The following TSHR variants were observed in gnomAD, a reference collection of about 807,000 sequenced individuals.
TSHR encodes the protein thyrotropin receptor.
Under a neutral mutation model 64.1 loss-of-function variants are expected in TSHR, and 51 were observed. The ratio of observed to expected loss-of-function variants is 0.80; its 90% CI spans 0.64 to 1.01. TSHR has a LOEUF of 1.01. Among genes scored for constraint, TSHR ranks in the 50% least tolerant of loss-of-function variants. TSHR has a pLI of 0.00. For missense variants in TSHR, 877 were observed against 942.8 expected, an observed-to-expected ratio of 0.93 and a Z score of 0.91; for synonymous variants, 361 against 361.9, an observed-to-expected ratio of 1.00 and a Z score of 0.03.
intron 3 of TSHR, among the ~76,000 whole-genome samples, chr14:81,074,929 T>C (rs1410746036): frequency 3.9e-5 from 6 of 152,360 alleles, no homozygotes; most frequent in African/African-American, 1.4e-4. Context: ...TTCTCTGAGA[T>C]GGCTTCCCAA....
chr14:81,068,298 CCTT>C lies in TSHR; in HGVS notation c.290_292del (p.Phe97del). The C allele has an allele frequency of 1.9e-6, 3 of 1,613,204 alleles. No individual in the cohort carries two copies. The highest frequency in any genetic ancestry group is 1.7e-5 in the Admixed American group (1 of 60,000). On this transcript the variant is annotated inframe_deletion, in exon 3 of 10. Transcript: ENST00000298171. ...ACTCTGCAGCAGCTGGAATCACACT[CCTT>C]CTACAATTTGAGTAAAGTGACTCAC... is the stretch of plus-strand genomic sequence containing the variant.
At chr14:81,102,431 C>CTTGACATTTTTG (rs2140014600) in intron 7 of TSHR, among the ~76,000 whole-genome samples, 1 of 152,258 alleles carries the variant, frequency 6.6e-6, no homozygotes, top group East Asian at 1.9e-4. Context: ...ACAATACTTT[C>CTTGACATTTTTG]TTGACATTTT....
chr14:80,978,546 A>G (rs2139716242), intron 1 of TSHR, among the ~76,000 whole-genome samples: 1 of 152,356 alleles, frequency 6.6e-6, no homozygotes, highest in East Asian at 1.9e-4. Flanking sequence ...ACTGCCTGTT[A>G]GAGGGACCCA....
At chr14:81,068,553 T>G (rs1352365901) in intron 3 of TSHR, 1 of 518,426 alleles carries the variant, frequency 1.9e-6, no homozygotes. Context: ...AGTTCTGTTC[T>G]TGAACCACTA....
chr14:81,074,394 G>A (rs1188138677), intron 3 of TSHR, among the ~76,000 whole-genome samples: 1 of 152,202 alleles, frequency 6.6e-6, no homozygotes, highest in Middle Eastern at 3.4e-3. Context: ...ATTAAGCAGC[G>A]ACTATAATCA....
intron 1 of TSHR, chr14:81,001,369 G>T: frequency 2.8e-6 from 1 of 354,542 alleles, no homozygotes; most frequent in Non-Finnish European, 5.6e-6. Flanking sequence ...ATCTTGATGT[G>T]GCAGGGAGAG....
chr14:81,076,446 C>A (rs1293632289), intron 3 of TSHR, among the ~76,000 whole-genome samples: 1 of 152,064 alleles, frequency 6.6e-6, no homozygotes, highest in African/African-American at 2.4e-5. Context: ...TGGTATATAC[C>A]TATTGGTCTA....
In TSHR at chr14:81,115,891, A is replaced by C. The variant is rs925566506; in HGVS notation, c.692+7439A>C. On this transcript the variant is annotated intron_variant, in intron 8 of 9. Transcript: ENST00000298171. ...GGCCAATATTCAACATTCTTCAAGA[A>C]AAGAATTTTCAACCCAGAATTTCAT... 4.3e-4 allele frequency among the ~76,000 whole-genome samples: 64 copies of C among 150,136 alleles called. 1 individual carries two copies. The South Asian group carries it at 4.6e-3, about 11-fold the overall frequency.
At chr14:80,983,105 C>A in intron 1 of TSHR, 1 of 675,898 alleles carries the variant, frequency 1.5e-6, no homozygotes, top group South Asian at 2.2e-5. Flanking sequence ...AAAGCTTGCT[C>A]AGTTTTCCTT....
In TSHR at chr14:80,961,708, G is replaced by T. The variant is rs548833286; in HGVS notation, c.170+5858G>T. ...TAGCTGGCTTCGTAAATTAATATTT[G>T]GTTTGTTAAAGAAATAAATGTAAAA... On this transcript the variant is annotated intron_variant, in intron 1 of 9. Coordinates refer to ENST00000298171, the MANE Select transcript of TSHR (RefSeq NM_000369.5). Among the ~76,000 whole-genome samples, 233 of 152,072 alleles carry T rather than the reference G, an allele frequency of 1.5e-3. 1 individual carries two copies. Among genetic ancestry groups the T allele is most frequent in the African/African-American group, 5.5e-3 (228 of 41,466 alleles).
intron 8 of TSHR, among the ~76,000 whole-genome samples, chr14:81,120,202 A>G (rs1381992473): frequency 6.6e-6 from 1 of 152,128 alleles, no homozygotes. Flanking sequence ...AAAAAAATAA[A>G]AAAGAATCAC....
At chr14:81,028,547 A>G (rs960205315) in intron 1 of TSHR, among the ~76,000 whole-genome samples, 1 of 152,094 alleles carries the variant, frequency 6.6e-6, no homozygotes. Context: ...TGGAAAAAAA[A>G]CTTGGGACAG....
intron 1 of TSHR, among the ~76,000 whole-genome samples, chr14:80,970,534 C>T (rs999396237): frequency 6.6e-5 from 10 of 152,206 alleles, no homozygotes; most frequent in Admixed American, 2.6e-4. Flanking sequence ...CTTCTTGGGA[C>T]CTGCTGGCGA....
intron 1 of TSHR, among the ~76,000 whole-genome samples, chr14:81,024,908 T>TGTGAGAA (rs1290396968): frequency 1.1e-4 from 17 of 152,274 alleles, no homozygotes; most frequent in African/African-American, 3.1e-4. Context: ...ATGAAAAATA[T>TGTGAGAA]GTGAGAACAG....
rs571893270 is a variant in TSHR, at chr14:81,143,641, G to T, written c.1583G>T (p.Arg528Leu). ...ERWYAITFAM[R>L]LDRKIRLRHA... ...TGGTATGCCATCACCTTCGCCATGC[G>T]CCTGGACCGGAAGATCCGCCTCAGG... Residue 528 changes from arginine to leucine, a missense_variant, in exon 10 of 10, where the codon CGC becomes CTC. Transcript: ENST00000298171. The T allele has an allele frequency of 6.2e-7, 1 of 1,613,832 alleles. No homozygotes were observed. The highest frequency in any genetic ancestry group is 1.3e-5 in the African/African-American group (1 of 74,884).
chr14:81,128,199 A>G (rs1891094524), intron 8 of TSHR, among the ~76,000 whole-genome samples: 1 of 152,218 alleles, frequency 6.6e-6, no homozygotes, highest in Admixed American at 6.5e-5. Flanking sequence ...TCTTGTTAAT[A>G]ATAAGTCATT....
chr14:81,006,472 T>A (rs1419305989), intron 1 of TSHR, among the ~76,000 whole-genome samples: 3 of 152,116 alleles, frequency 2.0e-5, no homozygotes, highest in Admixed American at 2.0e-4. Flanking sequence ...AATGACCTCA[T>A]TTTAACTAAA....
chr14:80,973,935 G>A (rs1470798478), intron 1 of TSHR, among the ~76,000 whole-genome samples: 1 of 152,070 alleles, frequency 6.6e-6, no homozygotes, highest in Non-Finnish European at 1.5e-5. Flanking sequence ...GAAGAGGTGT[G>A]GTATAATTCT....
At position 81,143,612 on chromosome 14, in the gene TSHR, G is replaced by A. The variant is rs750282571; in HGVS notation, c.1554G>A (p.Glu518=). Residue 518 remains glutamate (E), a synonymous_variant, in exon 10 of 10, where the codon GAG becomes GAA. Transcript: ENST00000298171. ...ATACGCTGACGGTCATCACCCTGGA[G>A]CGCTGGTATGCCATCACCTTCGCCA... ...SVYTLTVITL[E]RWYAITFAMR... The A allele has an allele frequency of 2.5e-6, 4 of 1,613,708 alleles. No individual in the cohort carries two copies. In the Admixed American group the frequency reaches 5.0e-5, roughly 20 times the overall value.
Sources: gnomAD v4.1 joint callset for allele counts (sites outside exome capture counted in the v4.1 genomes callset) on GRCh38, gnomAD v4.1.1 for gene constraint, MANE v1.5 for transcripts, NCBI Gene and HGNC (gene_info 2026-07-23, HGNC 2026-07-21) for gene names.